MYO5B: variants seen among roughly 807,000 people sequenced by gnomAD.
MYO5B encodes the protein myosin VB.
In MYO5B, 143 loss-of-function variants were observed where a neutral mutation model predicts 229.3. The observed-to-expected ratio is 0.62, with a 90% confidence interval of 0.54 to 0.72. The LOEUF (loss-of-function observed/expected upper bound fraction) is 0.72, where lower values mean the gene tolerates loss of function less well. Ranked by LOEUF, MYO5B falls within the 30% of genes least tolerant of loss-of-function variation. The probability of loss-of-function intolerance (pLI) is 0.00; values close to 1 mark genes in which losing one functional copy is unlikely to be tolerated. For synonymous variants in MYO5B, 918 were observed against 885.2 expected (o/e 1.04, Z -0.66); for missense variants, 2,321 against 2,331.0 (o/e 1.00, Z 0.09).
intron 16 of MYO5B, among the ~76,000 whole-genome samples, chr18:49,931,879 C>A (rs913675387): frequency 1.3e-5 from 2 of 152,206 alleles, no homozygotes; most frequent in African/African-American, 4.8e-5. Flanking sequence ...CCTCCCCAGG[C>A]ACTCTGCCCC....
chr18:49,830,171 A>ACACACACC (rs1568600105), intron 39 of MYO5B, among the ~76,000 whole-genome samples: 1 of 150,642 alleles, frequency 6.6e-6, no homozygotes, highest in Non-Finnish European at 1.5e-5. Context: ...ACACACACAC[A>ACACACACC]AATATTGCTA....
At chr18:49,830,829 CA>C (rs59785909) in intron 39 of MYO5B, among the ~76,000 whole-genome samples, 1,344 of 72,926 alleles carry the variant, frequency 0.018, 5 homozygotes, top group East Asian at 0.031. Context: ...GACTCTGTCT[CA>C]AAAAAAAAAA....
chr18:49,997,267 T>TA (rs58927375), intron 5 of MYO5B, among the ~76,000 whole-genome samples: 1,541 of 101,040 alleles, frequency 0.015, 20 homozygotes, highest in Non-Finnish European at 0.022. Context: ...GTCCTGTCTT[T>TA]AAAAAAAAAA....
At chr18:50,192,163 A>G (rs1858558577) in intron 1 of MYO5B, among the ~76,000 whole-genome samples, 1 of 152,232 alleles carries the variant, frequency 6.6e-6, no homozygotes, top group Admixed American at 6.5e-5. Context: ...AGACATCTCA[A>G]TTGGTTCAGC....
intron 1 of MYO5B, among the ~76,000 whole-genome samples, chr18:50,099,775 G>A (rs1434366529): frequency 2.6e-5 from 4 of 152,182 alleles, no homozygotes; most frequent in Non-Finnish European, 4.4e-5. Context: ...ACGGTATCTT[G>A]TACTTATGTT....
At chr18:50,126,924 G>A (rs937380036) in intron 1 of MYO5B, among the ~76,000 whole-genome samples, 2 of 152,172 alleles carry the variant, frequency 1.3e-5, no homozygotes, top group African/African-American at 2.4e-5. Flanking sequence ...CATACAGGAA[G>A]TTTTTACAAT....
intron 34 of MYO5B, among the ~76,000 whole-genome samples, chr18:49,842,426 T>C (rs2024069767): frequency 6.6e-6 from 1 of 152,242 alleles, no homozygotes; most frequent in Non-Finnish European, 1.5e-5. Context: ...AGCAGCTCAG[T>C]GGACTCCAGA....
At chr18:49,988,670 CA>C (rs1474866443) in intron 7 of MYO5B, among the ~76,000 whole-genome samples, 1 of 152,154 alleles carries the variant, frequency 6.6e-6, no homozygotes, top group African/African-American at 2.4e-5. Flanking sequence ...TCACCTCCTG[CA>C]AGTTGGCCCC....
intron 1 of MYO5B, among the ~76,000 whole-genome samples, chr18:50,148,719 C>G (rs1046025752): frequency 1.3e-5 from 2 of 150,558 alleles, no homozygotes; most frequent in African/African-American, 2.4e-5. Flanking sequence ...AAACCCACAG[C>G]CAATATCATA....
intron 39 of MYO5B, among the ~76,000 whole-genome samples, chr18:49,829,907 G>A (rs2023893098): frequency 6.6e-6 from 1 of 152,036 alleles, no homozygotes; most frequent in South Asian, 2.1e-4. Context: ...ATGATAAAAA[G>A]ATAAATCCCT....
At chr18:50,107,436 C>CA (rs2031782651) in intron 1 of MYO5B, among the ~76,000 whole-genome samples, 1 of 152,124 alleles carries the variant, frequency 6.6e-6, no homozygotes, top group African/African-American at 2.4e-5. Context: ...CTCCTCCCGC[C>CA]ACAACCAGGG....
At chr18:49,955,277 A>T (rs536765427) in intron 12 of MYO5B, among the ~76,000 whole-genome samples, 1 of 152,228 alleles carries the variant, frequency 6.6e-6, no homozygotes, top group Non-Finnish European at 1.5e-5. Flanking sequence ...TTTAAAAGTA[A>T]AAAGCATCTT....
At chr18:50,006,633 T>C (rs1019840792) in intron 4 of MYO5B, among the ~76,000 whole-genome samples, 7 of 152,164 alleles carry the variant, frequency 4.6e-5, no homozygotes, top group Non-Finnish European at 1.0e-4. Context: ...ACTTAGCTTC[T>C]GCTAAACTAC....
At chr18:50,150,915 C>T (rs1030411635) in intron 1 of MYO5B, among the ~76,000 whole-genome samples, 1 of 152,234 alleles carries the variant, frequency 6.6e-6, no homozygotes, top group African/African-American at 2.4e-5. Flanking sequence ...CAGCTCCATA[C>T]TCAATGCTCC....
chr18:50,125,935 G>A (rs2032155014), intron 1 of MYO5B, among the ~76,000 whole-genome samples: 1 of 152,208 alleles, frequency 6.6e-6, no homozygotes, highest in Non-Finnish European at 1.5e-5. Flanking sequence ...ACTTACATGA[G>A]GGACCTAGAA....
intron 4 of MYO5B, among the ~76,000 whole-genome samples, chr18:50,023,010 G>C (rs575540399): frequency 5.9e-5 from 9 of 152,216 alleles, no homozygotes; most frequent in African/African-American, 2.2e-4. Context: ...TGGGACTAGG[G>C]GCAGGATGGG....
intron 1 of MYO5B, among the ~76,000 whole-genome samples, chr18:50,067,498 G>T (rs1188216873): frequency 6.6e-6 from 1 of 152,174 alleles, no homozygotes; most frequent in Non-Finnish European, 1.5e-5. Flanking sequence ...CAAATCTCAT[G>T]TTGAAATTCA....
intron 1 of MYO5B, among the ~76,000 whole-genome samples, chr18:50,058,844 A>C (rs1242816719): frequency 1.3e-5 from 2 of 152,150 alleles, no homozygotes; most frequent in African/African-American, 2.4e-5. Context: ...AATGTTTACT[A>C]TCTGATCCTT....
chr18:49,958,684 C>T (rs992332181), intron 12 of MYO5B, among the ~76,000 whole-genome samples: 30 of 152,200 alleles, frequency 2.0e-4, no homozygotes, highest in Admixed American at 2.6e-4. Flanking sequence ...AGTTCAAACT[C>T]GCTGTCTCCA....
Sources: allele counts gnomAD v4.1 joint callset (sites outside exome capture counted in the v4.1 genomes callset), GRCh38; gene constraint gnomAD v4.1.1; transcripts MANE v1.5; gene names NCBI Gene and HGNC (gene_info 2026-07-23, HGNC 2026-07-21).